INPP4B: variants seen among roughly 807,000 people sequenced by gnomAD.
INPP4B encodes inositol polyphosphate 4-phosphatase type II.
A neutral mutation model predicts 122.5 loss-of-function variants in INPP4B; 55 were observed. That is an observed-to-expected ratio of 0.45 (90% CI 0.36 to 0.56). The LOEUF (loss-of-function observed/expected upper bound fraction) is 0.56, where lower values mean the gene tolerates loss of function less well. Ranked by LOEUF, INPP4B falls within the 20% of genes least tolerant of loss-of-function variation. The pLI, the probability that INPP4B is intolerant of heterozygous loss-of-function variation, is 0.00. For synonymous variants in INPP4B, 403 were observed against 388.7 expected, an observed-to-expected ratio of 1.04 and a Z score of -0.43; for missense variants, 1,000 against 1,097.7, an observed-to-expected ratio of 0.91 and a Z score of 1.26.
rs563134862 is a variant in INPP4B at position 142,682,583 on chromosome 4, C to G, written c.-191+43256G>C. 6.8e-4 allele frequency among the ~76,000 whole-genome samples: 103 copies of G among 151,880 alleles called. 1 individual carries two copies. The highest frequency in any genetic ancestry group is 2.4e-3 in the African/African-American group (98 of 41,460). ...CACCAATAACATTTTATACCTAAAA[C>G]AGTGTCACTTTCATGCAAAGACTAT... On this transcript the variant is annotated intron_variant, in intron 2 of 25. Transcript: ENST00000262992.
intron 22 of INPP4B, among the ~76,000 whole-genome samples, chr4:142,108,946 G>A (rs946034812): frequency 4.6e-5 from 7 of 152,086 alleles, no homozygotes; most frequent in Admixed American, 3.3e-4. Context: ...AAATTTCAGT[G>A]TGCATTTTCC....
chr4:142,759,825 T>TAAAAAAAAAAAAAAAAAAAAAAAA lies in INPP4B; in HGVS notation c.-253-33948_-253-33925dup, dbSNP rs70949188. On this transcript the variant is annotated intron_variant, in intron 1 of 25. Transcript: ENST00000262992. The stretch of plus-strand genomic sequence containing the variant: ...CCCAGAGCTTATATAGAGCTTTTTC[T>TAAAAAAAAAAAAAAAAAAAAAAAA]AAAAAAAAAAAAAAAAAAAAAAAAA... Among the ~76,000 whole-genome samples the TAAAAAAAAAAAAAAAAAAAAAAAA allele has an allele frequency of 4.3e-5, 3 of 70,046 alleles. 1 individual carries two copies. Among genetic ancestry groups the TAAAAAAAAAAAAAAAAAAAAAAAA allele is most frequent in the African/African-American group, 1.7e-4 (3 of 17,894 alleles). The allele number at this position is 70,046 out of a possible 152,430, so 46.0% of individuals were successfully genotyped here.
At chr4:142,558,805 A>AAT in intron 2 of INPP4B, among the ~76,000 whole-genome samples, 1 of 87,062 alleles carries the variant, frequency 1.1e-5, no homozygotes, top group South Asian at 3.6e-4. Flanking sequence ...AAAAAAAAAA[A>AAT]AAAAAAAAAA....
intron 3 of INPP4B, among the ~76,000 whole-genome samples, chr4:142,452,363 T>A (rs942718403): frequency 6.6e-6 from 1 of 152,172 alleles, no homozygotes; most frequent in Non-Finnish European, 1.5e-5. Flanking sequence ...ATGCAGTGAG[T>A]CAGCCATCTG....
At chr4:142,534,626 A>G (rs1487910872) in intron 2 of INPP4B, among the ~76,000 whole-genome samples, 3 of 151,582 alleles carry the variant, frequency 2.0e-5, no homozygotes, top group African/African-American at 7.3e-5. Context: ...CTATATATTT[A>G]TAAGTATAAT....
chr4:142,050,003 A>G (rs1464053636), intron 25 of INPP4B, among the ~76,000 whole-genome samples: 7 of 151,942 alleles, frequency 4.6e-5, no homozygotes, highest in Admixed American at 3.9e-4. Context: ...CTAAAGGCCT[A>G]TGTTCTTATC....
At chr4:142,158,459 C>A (rs1408096055) in intron 17 of INPP4B, among the ~76,000 whole-genome samples, 1 of 152,106 alleles carries the variant, frequency 6.6e-6, no homozygotes, top group Non-Finnish European at 1.5e-5. Context: ...GTAACACTGA[C>A]TGAAGGGAAT....
chr4:142,334,246 CACAT>C (rs1452225041), intron 7 of INPP4B, among the ~76,000 whole-genome samples: 3 of 152,154 alleles, frequency 2.0e-5, no homozygotes, highest in Admixed American at 1.3e-4. Flanking sequence ...CACATATACA[CACAT>C]ACATATACTT....
intron 1 of INPP4B, among the ~76,000 whole-genome samples, chr4:142,736,983 C>T (rs898004298): frequency 1.6e-4 from 25 of 152,160 alleles, no homozygotes; most frequent in Admixed American, 3.3e-4. Context: ...AATGGAAGAA[C>T]ATTCCATGCT....
At chr4:142,828,240 C>T (rs1781671484) in intron 1 of INPP4B, among the ~76,000 whole-genome samples, 1 of 151,758 alleles carries the variant, frequency 6.6e-6, no homozygotes. Flanking sequence ...GTTTAATGTC[C>T]AGGTATATGA....
chr4:142,581,765 A>G (rs1189896465), intron 2 of INPP4B, among the ~76,000 whole-genome samples: 1 of 151,982 alleles, frequency 6.6e-6, no homozygotes, highest in Non-Finnish European at 1.5e-5. Flanking sequence ...GCATCAGTAT[A>G]GGCATATCAT....
intron 2 of INPP4B, among the ~76,000 whole-genome samples, chr4:142,637,590 A>T (rs1203491831): frequency 6.6e-6 from 1 of 152,054 alleles, no homozygotes; most frequent in East Asian, 1.9e-4. Context: ...TTATTTACCT[A>T]CTCACTTACT....
chr4:142,778,552 G>C (rs1229309018), intron 1 of INPP4B, among the ~76,000 whole-genome samples: 1 of 151,956 alleles, frequency 6.6e-6, no homozygotes, highest in Non-Finnish European at 1.5e-5. Context: ...CCCATCATTA[G>C]AGAATTTTCA....
chr4:142,465,241 T>C (rs1179183981), intron 2 of INPP4B, among the ~76,000 whole-genome samples: 1 of 151,534 alleles, frequency 6.6e-6, no homozygotes, highest in Non-Finnish European at 1.5e-5. Flanking sequence ...TCTTTCAGAC[T>C]TTTTTTTTGT....
At chr4:142,065,954 T>G (rs1009050726) in intron 25 of INPP4B, among the ~76,000 whole-genome samples, 1 of 152,196 alleles carries the variant, frequency 6.6e-6, no homozygotes, top group Non-Finnish European at 1.5e-5. Flanking sequence ...TTCAGCTATC[T>G]GGAAGCTATC....
intron 7 of INPP4B, among the ~76,000 whole-genome samples, chr4:142,355,021 T>G (rs1057399701): frequency 2.6e-5 from 4 of 151,982 alleles, no homozygotes; most frequent in African/African-American, 9.7e-5. Flanking sequence ...TTCATTCACA[T>G]GCCTAGGGCC....
At chr4:142,650,776 A>AT (rs1288642586) in intron 2 of INPP4B, among the ~76,000 whole-genome samples, 1 of 152,184 alleles carries the variant, frequency 6.6e-6, no homozygotes, top group East Asian at 1.9e-4. Flanking sequence ...ATAATGGGAG[A>AT]TTTTAACACC....
At chr4:142,591,764 A>G (rs1181252153) in intron 2 of INPP4B, among the ~76,000 whole-genome samples, 1 of 152,200 alleles carries the variant, frequency 6.6e-6, no homozygotes, top group Non-Finnish European at 1.5e-5. Context: ...GTCCTCCTCA[A>G]AAACATGTAA....
In INPP4B at chr4:142,193,946, A is replaced by G. The variant is rs9998759; in HGVS notation, c.1073-751T>C. On this transcript the variant is annotated intron_variant, in intron 14 of 25. Transcript: ENST00000262992. ...TTCTAATGCAAAGTATCCCCATAAGAAGGAAGACAGTGAATGCTTTCTTGC... is the reference window on the plus strand; with the variant it reads ...TTCTAATGCAAAGTATCCCCATAAGGAGGAAGACAGTGAATGCTTTCTTGC... 4.4e-3 allele frequency among the ~76,000 whole-genome samples: 674 copies of G among 152,286 alleles called. 3 individuals are homozygous for G. Among genetic ancestry groups the G allele is most frequent in the African/African-American group, 0.015 (639 of 41,564 alleles).
Sources: allele counts gnomAD v4.1 joint callset (sites outside exome capture counted in the v4.1 genomes callset), GRCh38; gene constraint gnomAD v4.1.1; transcripts MANE v1.5; gene names NCBI Gene and HGNC (gene_info 2026-07-23, HGNC 2026-07-21).